KAZN: variants seen among roughly 807,000 people sequenced by gnomAD.
KAZN encodes the protein kazrin.
A neutral mutation model predicts 87.4 loss-of-function variants in KAZN; 40 were observed. That is an observed-to-expected ratio of 0.46 (90% CI 0.36 to 0.60). The LOEUF is 0.60. Ranked by LOEUF, KAZN falls within the 20% of genes least tolerant of loss-of-function variation. The pLI, the probability that KAZN is intolerant of heterozygous loss-of-function variation, is 0.00. For synonymous variants in KAZN, 466 were observed against 458.3 expected (o/e 1.02, Z -0.22); for missense variants, 898 against 1,073.9 (o/e 0.84, Z 2.29).
intron 1 of KAZN, among the ~76,000 whole-genome samples, chr1:14,660,297 G>T (rs760673603): frequency 3.3e-5 from 5 of 152,114 alleles, no homozygotes; most frequent in African/African-American, 4.8e-5. Flanking sequence ...TTTATTGATG[G>T]CTCCCTATAA....
intron 1 of KAZN, among the ~76,000 whole-genome samples, chr1:14,867,659 C>T (rs185070288): frequency 8.5e-4 from 129 of 152,142 alleles, no homozygotes; most frequent in African/African-American, 2.9e-3. Flanking sequence ...CAGCAGTCAT[C>T]CTATTCAGGT....
At chr1:14,827,181 A>G (rs1011008557) in intron 1 of KAZN, among the ~76,000 whole-genome samples, 8 of 152,182 alleles carry the variant, frequency 5.3e-5, no homozygotes, top group African/African-American at 1.9e-4. Flanking sequence ...GACCCAACCC[A>G]GTAGTGATTG....
chr1:14,272,465 A>G (rs976408608), intron 2 of KAZN, among the ~76,000 whole-genome samples: 1 of 152,198 alleles, frequency 6.6e-6, no homozygotes, highest in Non-Finnish European at 1.5e-5. Context: ...TCAAACTTTC[A>G]TGGGCAAAAT....
intron 1 of KAZN, among the ~76,000 whole-genome samples, chr1:14,148,952 G>T (rs990815051): frequency 6.6e-6 from 1 of 152,032 alleles, no homozygotes. Flanking sequence ...TGGTCTTGTC[G>T]GGTAAAGACT....
At chr1:14,544,086 G>A (rs1468124721) in intron 2 of KAZN, among the ~76,000 whole-genome samples, 1 of 152,110 alleles carries the variant, frequency 6.6e-6, no homozygotes, top group Admixed American at 6.5e-5. Context: ...TTTAGGGGAA[G>A]GGAGTGCAAA....
intron 2 of KAZN, among the ~76,000 whole-genome samples, chr1:14,285,041 A>G (rs1653131072): frequency 6.6e-6 from 1 of 152,204 alleles, no homozygotes; most frequent in Non-Finnish European, 1.5e-5. Flanking sequence ...AAATGCAACA[A>G]CACTAAATAC....
In KAZN at chr1:14,637,148, G is replaced by T. The variant is rs191667518; in HGVS notation, c.226+37925G>T. On this transcript the variant is annotated intron_variant, in intron 1 of 14. Coordinates refer to ENST00000376030, the MANE Select transcript of KAZN (RefSeq NM_201628.3). ...TCCATACCTTGGGTGTGTAATGGGAGGTGCGCAGTGAAAATGGAGCCAGAA... is the reference window on the plus strand; with the variant it reads ...TCCATACCTTGGGTGTGTAATGGGATGTGCGCAGTGAAAATGGAGCCAGAA... 1.4e-3 allele frequency among the ~76,000 whole-genome samples: 218 copies of T among 152,232 alleles called. 2 individuals carry two copies. The highest frequency in any genetic ancestry group is 5.0e-3 in the African/African-American group (208 of 41,528).
At chr1:14,216,688 C>T (rs1013198225) in intron 2 of KAZN, among the ~76,000 whole-genome samples, 20 of 151,978 alleles carry the variant, frequency 1.3e-4, no homozygotes, top group African/African-American at 4.8e-4. Context: ...GGTGGATGAC[C>T]TGTCAGGATT....
chr1:14,846,115 G>C (rs1298244124), intron 1 of KAZN, among the ~76,000 whole-genome samples: 1 of 152,168 alleles, frequency 6.6e-6, no homozygotes, highest in East Asian at 1.9e-4. Flanking sequence ...CCTATACTTG[G>C]AAGTCACCAG....
chr1:14,730,593 T>C (rs1329898031), intron 1 of KAZN, among the ~76,000 whole-genome samples: 1 of 152,170 alleles, frequency 6.6e-6, no homozygotes, highest in Non-Finnish European at 1.5e-5. Context: ...AGAACTAGGA[T>C]GCAAGCACAG....
chr1:14,004,395 A>G (rs1639946253), intron 1 of KAZN, among the ~76,000 whole-genome samples: 1 of 152,246 alleles, frequency 6.6e-6, no homozygotes, highest in Non-Finnish European at 1.5e-5. Context: ...ATACATGTGC[A>G]TAAATACCAG....
At chr1:15,100,363 G>C (rs1324255872) in intron 10 of KAZN, among the ~76,000 whole-genome samples, 1 of 152,184 alleles carries the variant, frequency 6.6e-6, no homozygotes, top group Non-Finnish European at 1.5e-5. Context: ...GTCTCTGGCT[G>C]CTGCCCCAGG....
At chr1:14,869,360 G>A (rs545274850) in intron 1 of KAZN, among the ~76,000 whole-genome samples, 1 of 152,294 alleles carries the variant, frequency 6.6e-6, no homozygotes, top group African/African-American at 2.4e-5. Context: ...TCTTTATGGA[G>A]CCTCAACGCA....
chr1:14,910,414 A>G (rs1657126801), intron 1 of KAZN, among the ~76,000 whole-genome samples: 1 of 151,960 alleles, frequency 6.6e-6, no homozygotes, highest in African/African-American at 2.4e-5. Context: ...AGGGTTTCTC[A>G]CCCTCAACAC....
At chr1:14,747,413 A>T (rs185835972) in intron 1 of KAZN, among the ~76,000 whole-genome samples, 1 of 152,238 alleles carries the variant, frequency 6.6e-6, no homozygotes, top group Admixed American at 6.5e-5. Context: ...AATAACTGGG[A>T]CTACAGGCAT....
At chr1:14,588,379 G>T (rs1031737213) in intron 2 of KAZN, among the ~76,000 whole-genome samples, 1 of 152,228 alleles carries the variant, frequency 6.6e-6, no homozygotes, top group Non-Finnish European at 1.5e-5. Context: ...ACATAGATTT[G>T]TGAAGGTACA....
At chr1:13,912,933 C>T (rs150970225) in intron 1 of KAZN, among the ~76,000 whole-genome samples, 91 of 152,272 alleles carry the variant, frequency 6.0e-4, no homozygotes, top group African/African-American at 2.1e-3. Context: ...GATTTACCTG[C>T]TGGCTGTGTA....
chr1:15,022,550 C>T (rs1400542305), intron 2 of KAZN, among the ~76,000 whole-genome samples: 1 of 152,192 alleles, frequency 6.6e-6, no homozygotes, highest in Non-Finnish European at 1.5e-5. Context: ...GGGCCCAAGT[C>T]TCTCCTGCTC....
At chr1:13,999,604 A>G (rs1289100679) in intron 1 of KAZN, among the ~76,000 whole-genome samples, 1 of 152,214 alleles carries the variant, frequency 6.6e-6, no homozygotes, top group African/African-American at 2.4e-5. Flanking sequence ...TCAGAAAGCT[A>G]GAAAGATCTC....
Sources: allele counts gnomAD v4.1 joint callset (sites outside exome capture counted in the v4.1 genomes callset), GRCh38; gene constraint gnomAD v4.1.1; transcripts MANE v1.5; gene names NCBI Gene and HGNC (gene_info 2026-07-23, HGNC 2026-07-21).